The following FRMD4A variants were observed in gnomAD, a reference collection of about 807,000 sequenced individuals.
FRMD4A encodes the protein FERM domain-containing protein 4A.
A neutral mutation model predicts 129.1 loss-of-function variants in FRMD4A; 29 were observed. That is an observed-to-expected ratio of 0.22 (90% CI 0.17 to 0.31). The LOEUF is 0.31. Among genes scored for constraint, FRMD4A ranks in the 10% least tolerant of loss-of-function variants. FRMD4A has a pLI of 1.00. For synonymous variants in FRMD4A, 634 were observed against 571.6 expected (o/e 1.11, Z -1.56); for missense variants, 1,272 against 1,375.8 (o/e 0.92, Z 1.19).
At chr10:14,033,556 G>A (rs566001419) in intron 2 of FRMD4A, among the ~76,000 whole-genome samples, 11 of 152,052 alleles carry the variant, frequency 7.2e-5, no homozygotes, top group Admixed American at 3.3e-4. Context: ...AGGCTGAGGC[G>A]AGTGGATCAC....
At chr10:14,294,985 A>G (rs1200869318) in intron 2 of FRMD4A, among the ~76,000 whole-genome samples, 2 of 152,228 alleles carry the variant, frequency 1.3e-5, no homozygotes, top group East Asian at 1.9e-4. Flanking sequence ...TTTTTTTTAA[A>G]TGGGGAAACT....
intron 2 of FRMD4A, among the ~76,000 whole-genome samples, chr10:14,049,843 A>C (rs561714763): frequency 1.2e-4 from 19 of 152,232 alleles, no homozygotes; most frequent in Non-Finnish European, 2.6e-4. Flanking sequence ...CAACAGAGTG[A>C]GACTCCATCT....
chr10:13,874,493 A>T (rs1182007258), intron 2 of FRMD4A, among the ~76,000 whole-genome samples: 1 of 152,178 alleles, frequency 6.6e-6, no homozygotes, highest in Non-Finnish European at 1.5e-5. Context: ...TACCATAAAG[A>T]TCATTCTAAA....
chr10:13,758,590 G>A (rs1338764883), intron 8 of FRMD4A, among the ~76,000 whole-genome samples: 1 of 152,202 alleles, frequency 6.6e-6, no homozygotes, highest in African/African-American at 2.4e-5. Flanking sequence ...CTAGGAGAAG[G>A]GGGTGGAGCC....
intron 2 of FRMD4A, among the ~76,000 whole-genome samples, chr10:14,072,316 C>CA (rs1411447196): frequency 6.6e-6 from 1 of 152,076 alleles, no homozygotes; most frequent in African/African-American, 2.4e-5. Flanking sequence ...ATAATATCCT[C>CA]AAAAAGCCAA....
At chr10:14,010,664 C>CTTTTTTTTTTT (rs779471389) in intron 2 of FRMD4A, among the ~76,000 whole-genome samples, 8 of 76,428 alleles carry the variant, frequency 1.0e-4, no homozygotes, top group Non-Finnish European at 9.7e-5. Flanking sequence ...GAGTTTAGGT[C>CTTTTTTTTTTT]TTTTTTTTTT....
chr10:14,217,185 G>A (rs1227234221), intron 2 of FRMD4A, among the ~76,000 whole-genome samples: 2 of 152,138 alleles, frequency 1.3e-5, no homozygotes, highest in Admixed American at 1.3e-4. Flanking sequence ...AATTTTAAAA[G>A]GTGTCAAATA....
chr10:14,330,553 C>G (rs892931529), intron 1 of FRMD4A, 44 bp downstream of exon 1: 5 of 407,552 alleles, frequency 1.2e-5, no homozygotes, highest in African/African-American at 4.1e-5. Flanking sequence ...CTCTGCATCT[C>G]TCAGCAATTC....
chr10:14,187,427 G>A (rs1842182837), intron 2 of FRMD4A, among the ~76,000 whole-genome samples: 1 of 152,076 alleles, frequency 6.6e-6, no homozygotes, highest in African/African-American at 2.4e-5. Flanking sequence ...ACATACTGTT[G>A]GCTATATATG....
At position 13,666,217 on chromosome 10, in the gene FRMD4A, G is replaced by C; in HGVS notation, c.1483C>G (p.Gln495Glu). The C allele has an allele frequency of 1.2e-6, 2 of 1,613,870 alleles. No individual in the cohort carries two copies. Among genetic ancestry groups the C allele is most frequent in the Non-Finnish European group, 1.7e-6 (2 of 1,179,746 alleles). The change falls in exon 18 of 25, where the codon CAA becomes GAA. Residue 495 changes from glutamine to glutamate, a missense_variant. Coordinates refer to ENST00000357447, the MANE Select transcript of FRMD4A (RefSeq NM_018027.5). ...GCATTCAGATACGAGGTTTTCCTTT[G>C]TTTCTTCAGTTTTTTGCTGACGTTG... is the stretch of plus-strand genomic sequence containing the variant. ...DPNVSKKLKK[Q>E]RKTSYLNALK...
chr10:13,772,313 G>C (rs2092481919), intron 6 of FRMD4A, among the ~76,000 whole-genome samples: 1 of 151,426 alleles, frequency 6.6e-6, no homozygotes, highest in Non-Finnish European at 1.5e-5. Flanking sequence ...TGTAATCTTA[G>C]AGACCAGAAT....
chr10:14,046,202 A>T (rs1015739293), intron 2 of FRMD4A, among the ~76,000 whole-genome samples: 3 of 152,008 alleles, frequency 2.0e-5, no homozygotes, highest in Non-Finnish European at 2.9e-5. Context: ...ACAAATTCTG[A>T]CTCACTTTCC....
chr10:14,099,844 CTCAA>C (rs1837204786), intron 2 of FRMD4A, among the ~76,000 whole-genome samples: 1 of 152,150 alleles, frequency 6.6e-6, no homozygotes, highest in Admixed American at 6.5e-5. Context: ...CCAGGCTGGC[CTCAA>C]ACTCTTGGGC....
At chr10:13,794,963 T>C (rs2093082449) in intron 5 of FRMD4A, among the ~76,000 whole-genome samples, 1 of 152,196 alleles carries the variant, frequency 6.6e-6, no homozygotes, top group Admixed American at 6.5e-5. Context: ...AGACTGACAC[T>C]TCCACCACCA....
At chr10:13,853,165 A>G (rs992875381) in intron 3 of FRMD4A, among the ~76,000 whole-genome samples, 1 of 152,174 alleles carries the variant, frequency 6.6e-6, no homozygotes. Context: ...CTCCCTGGAG[A>G]AAGCAAGGTG....
chr10:14,047,256 A>G (rs1834028195), intron 2 of FRMD4A, among the ~76,000 whole-genome samples: 1 of 152,188 alleles, frequency 6.6e-6, no homozygotes, highest in Non-Finnish European at 1.5e-5. Context: ...GGAAAAGAAG[A>G]ACCAAGAAGG....
chr10:13,836,035 T>C (rs1588960567), intron 3 of FRMD4A, among the ~76,000 whole-genome samples: 1 of 149,516 alleles, frequency 6.7e-6, no homozygotes, highest in East Asian at 2.0e-4. Flanking sequence ...TCTTACTCTG[T>C]TGCCCAGGCT....
chr10:13,888,020 A>G (rs2094645555), intron 2 of FRMD4A, among the ~76,000 whole-genome samples: 1 of 152,252 alleles, frequency 6.6e-6, no homozygotes, highest in Non-Finnish European at 1.5e-5. Context: ...TTTGCAGAAG[A>G]GAGCATTGAA....
At chr10:13,873,271 A>G (rs1359852591) in intron 2 of FRMD4A, among the ~76,000 whole-genome samples, 1 of 30 alleles carries the variant, frequency 0.033, no homozygotes, top group African/African-American at 0.083. Context: ...GATAAGGCTG[A>G]AAAAAAAAAA....
Sources: allele counts gnomAD v4.1 joint callset (sites outside exome capture counted in the v4.1 genomes callset), GRCh38; gene constraint gnomAD v4.1.1; transcripts MANE v1.5; gene names NCBI Gene and HGNC (gene_info 2026-07-23, HGNC 2026-07-21).